MGAT4C: variants seen among roughly 807,000 people sequenced by gnomAD.
MGAT4C encodes MGAT4 family member C, also known as alpha-1,3-mannosyl-glycoprotein 4-beta-N-acetylglucosaminyltransferase C.
Under a neutral mutation model 40.1 loss-of-function variants are expected in MGAT4C, and 19 were observed. The ratio of observed to expected loss-of-function variants is 0.47; its 90% CI spans 0.33 to 0.70. The LOEUF (loss-of-function observed/expected upper bound fraction) is 0.70. Ranked by LOEUF, MGAT4C falls within the 30% of genes least tolerant of loss-of-function variation. The pLI is 0.02. For missense variants in MGAT4C, 491 were observed against 563.2 expected (o/e 0.87, Z 1.30); for synonymous variants, 181 against 187.1 (o/e 0.97, Z 0.27).
intron 1 of MGAT4C, among the ~76,000 whole-genome samples, chr12:86,217,300 G>A (rs1473385731): frequency 1.3e-5 from 2 of 152,104 alleles, no homozygotes; most frequent in Non-Finnish European, 2.9e-5. Context: ...TCAGCCTCCT[G>A]AGTAGTTGGG....
At chr12:86,468,595 T>C (rs1334091122) in intron 2 of MGAT4C, among the ~76,000 whole-genome samples, 2 of 151,918 alleles carry the variant, frequency 1.3e-5, no homozygotes, top group Non-Finnish European at 2.9e-5. Flanking sequence ...TTACCTAAAA[T>C]AAAAGTCTAA....
chr12:86,124,964 G>A (rs1262941833), intron 1 of MGAT4C, among the ~76,000 whole-genome samples: 1 of 152,138 alleles, frequency 6.6e-6, no homozygotes, highest in East Asian at 1.9e-4. Flanking sequence ...ATACTTGAAG[G>A]AATATAGGAC....
intron 2 of MGAT4C, among the ~76,000 whole-genome samples, chr12:86,650,530 G>T (rs1357572122): frequency 6.6e-6 from 1 of 151,894 alleles, no homozygotes; most frequent in African/African-American, 2.4e-5. Flanking sequence ...AGTGCCACTA[G>T]CTTTTCCAAG....
intron 2 of MGAT4C, among the ~76,000 whole-genome samples, chr12:86,518,394 CTT>C (rs1323181658): frequency 6.6e-6 from 1 of 152,132 alleles, no homozygotes; most frequent in Non-Finnish European, 1.5e-5. Flanking sequence ...TTTAAAGTCT[CTT>C]TGCAAAATAA....
intron 2 of MGAT4C, among the ~76,000 whole-genome samples, chr12:86,582,644 G>T (rs1002343016): frequency 6.6e-6 from 1 of 151,208 alleles, no homozygotes; most frequent in Non-Finnish European, 1.5e-5. Context: ...TTAAATTTCT[G>T]TCTAGCATTT....
At chr12:86,343,690 T>C (rs1203743688) in intron 3 of MGAT4C, among the ~76,000 whole-genome samples, 1 of 152,182 alleles carries the variant, frequency 6.6e-6, no homozygotes, top group Non-Finnish European at 1.5e-5. Flanking sequence ...TTACACTGTG[T>C]ACACTTTCAA....
intron 3 of MGAT4C, among the ~76,000 whole-genome samples, chr12:86,351,388 C>G (rs1263556060): frequency 6.6e-6 from 1 of 151,784 alleles, no homozygotes; most frequent in Non-Finnish European, 1.5e-5. Flanking sequence ...AGATAATGTA[C>G]AGGAATAATC....
At chr12:86,137,723 A>G (rs990681886) in intron 1 of MGAT4C, among the ~76,000 whole-genome samples, 1 of 152,168 alleles carries the variant, frequency 6.6e-6, no homozygotes, top group Non-Finnish European at 1.5e-5. Context: ...TCATATCTGC[A>G]TACCTATACT....
intron 1 of MGAT4C, among the ~76,000 whole-genome samples, chr12:86,116,999 A>C (rs1328603937): frequency 6.6e-6 from 1 of 152,134 alleles, no homozygotes; most frequent in Non-Finnish European, 1.5e-5. Flanking sequence ...GAATAATATT[A>C]ATGGTAAATT....
At chr12:86,376,564 G>C (rs1362907849) in intron 3 of MGAT4C, among the ~76,000 whole-genome samples, 1 of 151,894 alleles carries the variant, frequency 6.6e-6, no homozygotes, top group East Asian at 1.9e-4. Flanking sequence ...AATGGGAGAG[G>C]CTTTATTATT....
chr12:86,666,172 A>G (rs1199665368), intron 2 of MGAT4C, among the ~76,000 whole-genome samples: 1 of 152,212 alleles, frequency 6.6e-6, no homozygotes, highest in Non-Finnish European at 1.5e-5. Context: ...ATTTTTGCAG[A>G]CAATGTCACA....
chr12:85,959,108 CTT>C lies in MGAT4C; in HGVS notation c.*20179_*20180del, dbSNP rs1194309994. On this transcript the variant is annotated 3_prime_UTR_variant, in exon 5 of 5. Coordinates refer to ENST00000611864, the MANE Select transcript of MGAT4C (RefSeq NM_001351288.2). ...AATACATGTAGACTCAGCATCCAAA[CTT>C]TATTTTACCTTCAAGTTCTACCTGA... 6.7e-6 allele frequency: 1 copy of C among 149,090 alleles called. No homozygotes were observed. The highest frequency in any genetic ancestry group is 6.7e-5 in the Admixed American group (1 of 14,828). 9.2% of individuals were successfully genotyped at this position (149,090 alleles called of 1,614,324 possible).
At chr12:86,262,305 A>C (rs1460408668) in intron 4 of MGAT4C, among the ~76,000 whole-genome samples, 2 of 152,128 alleles carry the variant, frequency 1.3e-5, no homozygotes, top group Non-Finnish European at 1.5e-5. Context: ...AAGCCATTTG[A>C]ATCTATCAGT....
At chr12:86,192,516 C>A (rs1323407488) in intron 1 of MGAT4C, among the ~76,000 whole-genome samples, 1 of 152,084 alleles carries the variant, frequency 6.6e-6, no homozygotes, top group African/African-American at 2.4e-5. Context: ...AGAATCCACC[C>A]CCATCACCCA....
intron 1 of MGAT4C, among the ~76,000 whole-genome samples, chr12:86,124,977 T>C (rs1056958189): frequency 1.3e-5 from 2 of 152,164 alleles, no homozygotes; most frequent in Non-Finnish European, 2.9e-5. Context: ...TATAGGACGC[T>C]ACAAAAGTGA....
At chr12:86,809,848 A>G (rs1952437516) in intron 1 of MGAT4C, among the ~76,000 whole-genome samples, 1 of 152,014 alleles carries the variant, frequency 6.6e-6, no homozygotes, top group African/African-American at 2.4e-5. Flanking sequence ...TCTTTGGCAG[A>G]GCCCATATAT....
chr12:86,649,098 AT>A (rs1176186439), intron 2 of MGAT4C, among the ~76,000 whole-genome samples: 1 of 151,782 alleles, frequency 6.6e-6, no homozygotes, highest in African/African-American at 2.4e-5. Context: ...ACAATAGGTG[AT>A]TTTTTCCAGA....
intron 4 of MGAT4C, among the ~76,000 whole-genome samples, chr12:86,309,488 G>T (rs897169037): frequency 3.9e-5 from 6 of 151,954 alleles, no homozygotes; most frequent in Non-Finnish European, 7.4e-5. Context: ...TGAGGACGGG[G>T]GGCAAACTCA....
chr12:86,215,711 C>G (rs1850726950), intron 1 of MGAT4C, among the ~76,000 whole-genome samples: 1 of 152,024 alleles, frequency 6.6e-6, no homozygotes, highest in African/African-American at 2.4e-5. Context: ...CTTGTTCTTT[C>G]CTCGGATAAA....
Sources: allele counts gnomAD v4.1 joint callset (sites outside exome capture counted in the v4.1 genomes callset), GRCh38; gene constraint gnomAD v4.1.1; transcripts MANE v1.5; gene names NCBI Gene and HGNC (gene_info 2026-07-23, HGNC 2026-07-21).